The following FAF1 variants were observed in gnomAD, a reference collection of about 807,000 sequenced individuals.
The protein encoded by FAF1 is FAS-associated factor 1.
A neutral mutation model predicts 92.5 loss-of-function variants in FAF1; 25 were observed. The ratio of observed to expected loss-of-function variants is 0.27; its 90% confidence interval spans 0.20 to 0.38. FAF1 has a LOEUF of 0.38. Ranked by LOEUF, FAF1 falls within the 10% of genes least tolerant of loss-of-function variation. The pLI is 1.00. For missense variants in FAF1, 636 were observed against 793.3 expected (o/e 0.80, Z 2.38); for synonymous variants, 234 against 273.2 (o/e 0.86, Z 1.42).
intron 15 of FAF1, among the ~76,000 whole-genome samples, chr1:50,518,539 C>G (rs556907738): frequency 3.0e-4 from 46 of 152,010 alleles, no homozygotes; most frequent in African/African-American, 1.1e-3. Context: ...CTCCCGGGTT[C>G]ACGCCATTCT....
chr1:50,527,868 C>CCTCTCTCTCTCTCTCT (rs1332650562), intron 15 of FAF1, among the ~76,000 whole-genome samples: 158 of 56,826 alleles, frequency 2.8e-3, no homozygotes, highest in South Asian at 3.3e-3. Flanking sequence ...TCCCTCTCTC[C>CCTCTCTCTCTCTCTCT]CTCTCTCTCT....
intron 8 of FAF1, among the ~76,000 whole-genome samples, chr1:50,645,527 T>C (rs1654537711): frequency 6.6e-6 from 1 of 152,114 alleles, no homozygotes; most frequent in Admixed American, 6.5e-5. Context: ...GCACAGTACA[T>C]TAAGAAATCA....
intron 6 of FAF1, among the ~76,000 whole-genome samples, chr1:50,725,098 G>C (rs535065557): frequency 2.0e-5 from 3 of 152,280 alleles, no homozygotes; most frequent in Admixed American, 2.0e-4. Flanking sequence ...TCTCCATCAG[G>C]TGCTTGCCCG....
intron 9 of FAF1, among the ~76,000 whole-genome samples, chr1:50,592,123 C>T (rs1314242002): frequency 1.3e-5 from 2 of 152,210 alleles, no homozygotes; most frequent in Admixed American, 1.3e-4. Flanking sequence ...CTATGCTCCC[C>T]TAGCATCTCA....
chr1:50,783,432 T>C lies in FAF1; in HGVS notation c.367+4568A>G, dbSNP rs550936452. ...GAAAACTACAGTCCAATATCCCTGA[T>C]AAATACAGATGCAAAGATCCTCAAC... On this transcript the variant is annotated intron_variant, in intron 4 of 18. Coordinates refer to ENST00000396153, the MANE Select transcript of FAF1 (RefSeq NM_007051.3). Among the ~76,000 whole-genome samples the C allele has an allele frequency of 3.9e-5, 6 of 152,248 alleles. No homozygotes were observed. The South Asian group carries it at 8.3e-4, about 21-fold the overall frequency.
At chr1:50,684,148 A>AG (rs112108602) in intron 7 of FAF1, among the ~76,000 whole-genome samples, 18,248 of 152,048 alleles carry the variant, frequency 0.12, 1,350 homozygotes, top group African/African-American at 0.21. Flanking sequence ...AAAACTTAGT[A>AG]GTAGCAAAGT....
intron 15 of FAF1, among the ~76,000 whole-genome samples, chr1:50,533,592 T>C (rs1010562163): frequency 3.9e-5 from 6 of 152,170 alleles, no homozygotes; most frequent in African/African-American, 1.4e-4. Context: ...ATACAATAGT[T>C]CAGGGCTATA....
chr1:50,754,425 T>C (rs980947763), intron 4 of FAF1, among the ~76,000 whole-genome samples: 2 of 152,202 alleles, frequency 1.3e-5, no homozygotes, highest in African/African-American at 4.8e-5. Context: ...TTTTCCAATC[T>C]AGCTGGTAGG....
At chr1:50,473,270 T>C (rs1314900518) in intron 18 of FAF1, among the ~76,000 whole-genome samples, 1 of 152,114 alleles carries the variant, frequency 6.6e-6, no homozygotes. Flanking sequence ...CTAGCTCCTT[T>C]TAAGATATTT....
At chr1:50,864,571 G>C (rs1203677553) in intron 1 of FAF1, among the ~76,000 whole-genome samples, 1 of 151,498 alleles carries the variant, frequency 6.6e-6, no homozygotes, top group African/African-American at 2.4e-5. Flanking sequence ...ACAAACCTGA[G>C]AAAAACAAGC....
chr1:50,572,419 TCC>T (rs923620937), intron 12 of FAF1, among the ~76,000 whole-genome samples: 2 of 152,176 alleles, frequency 1.3e-5, no homozygotes, highest in Non-Finnish European at 2.9e-5. Context: ...TATTCAAATT[TCC>T]CCCAAGTACT....
At chr1:50,842,896 C>A (rs958239651) in intron 2 of FAF1, among the ~76,000 whole-genome samples, 4 of 152,144 alleles carry the variant, frequency 2.6e-5, no homozygotes, top group African/African-American at 9.7e-5. Context: ...CCCATCTACT[C>A]AAAAATATAA....
chr1:50,638,514 C>T (rs1012459078), intron 8 of FAF1, among the ~76,000 whole-genome samples: 2 of 150,516 alleles, frequency 1.3e-5, no homozygotes, highest in Non-Finnish European at 1.5e-5. Flanking sequence ...GCGCAATCTC[C>T]GCTCACTGCA....
At chr1:50,743,962 C>G (rs953201296) in intron 5 of FAF1, among the ~76,000 whole-genome samples, 5 of 151,860 alleles carry the variant, frequency 3.3e-5, no homozygotes, top group Admixed American at 2.6e-4. Flanking sequence ...TCCCAGCTAC[C>G]TGGGAGGCAG....
At chr1:50,467,604 T>C (rs879716367) in intron 18 of FAF1, among the ~76,000 whole-genome samples, 35 of 152,174 alleles carry the variant, frequency 2.3e-4, no homozygotes, top group African/African-American at 7.7e-4. Flanking sequence ...TGAGCCACCA[T>C]GCTCAGCCTT....
At chr1:50,591,370 A>T (rs1651496810) in intron 9 of FAF1, among the ~76,000 whole-genome samples, 1 of 152,144 alleles carries the variant, frequency 6.6e-6, no homozygotes, top group Non-Finnish European at 1.5e-5. Flanking sequence ...ATCACTCCCC[A>T]CTTAAAAGTC....
intron 7 of FAF1, among the ~76,000 whole-genome samples, chr1:50,695,136 G>A (rs1180418452): frequency 6.6e-6 from 1 of 151,886 alleles, no homozygotes; most frequent in African/African-American, 2.4e-5. Context: ...GGTTGGGCAC[G>A]GTGGCTCAAG....
At chr1:50,649,888 C>A (rs1266722512) in intron 8 of FAF1, among the ~76,000 whole-genome samples, 2 of 151,822 alleles carry the variant, frequency 1.3e-5, no homozygotes, top group Middle Eastern at 3.2e-3. Context: ...TTGCTTGAAC[C>A]TGGGAGGTGG....
intron 2 of FAF1, among the ~76,000 whole-genome samples, chr1:50,827,141 C>T (rs1644107325): frequency 6.6e-6 from 1 of 152,088 alleles, no homozygotes; most frequent in African/African-American, 2.4e-5. Context: ...GAGACAGCAA[C>T]CATCGAGAAT....
Sources: gnomAD v4.1 joint callset for allele counts (sites outside exome capture counted in the v4.1 genomes callset) on GRCh38, gnomAD v4.1.1 for gene constraint, MANE v1.5 for transcripts, NCBI Gene and HGNC (gene_info 2026-07-23, HGNC 2026-07-21) for gene names.